ZNF704: variants seen among roughly 807,000 people sequenced by gnomAD.
ZNF704 encodes zinc finger protein 704.
In ZNF704, 10 loss-of-function variants were observed where a neutral mutation model predicts 44.7. That is an observed-to-expected ratio of 0.22 (90% CI 0.14 to 0.38). The LOEUF is 0.38. ZNF704 is among the 10% of genes least tolerant of loss of function. ZNF704 has a pLI of 1.00. For missense variants in ZNF704, 390 were observed against 545.5 expected (o/e 0.71, Z 2.84); for synonymous variants, 211 against 207.6 (o/e 1.02, Z -0.14).
chr8:80,847,247 G>C (rs146016400), intron 1 of ZNF704, among the ~76,000 whole-genome samples: 1 of 152,076 alleles, frequency 6.6e-6, no homozygotes, highest in Non-Finnish European at 1.5e-5. Flanking sequence ...AAAAAGAGAA[G>C]TATTTAGATA....
intron 1 of ZNF704, among the ~76,000 whole-genome samples, chr8:80,840,170 G>A (rs972434559): frequency 6.6e-6 from 1 of 152,240 alleles, no homozygotes; most frequent in Non-Finnish European, 1.5e-5. Flanking sequence ...TCAGGAGACA[G>A]AAGAGATTGC....
intron 1 of ZNF704, among the ~76,000 whole-genome samples, chr8:80,857,193 C>A (rs773396305): frequency 2.0e-5 from 3 of 152,004 alleles, no homozygotes; most frequent in Admixed American, 6.6e-5. Flanking sequence ...GCGATATTTT[C>A]TTTTTTCCTA....
intron 1 of ZNF704, among the ~76,000 whole-genome samples, chr8:80,839,884 C>A (rs937694703): frequency 8.5e-5 from 13 of 152,052 alleles, no homozygotes; most frequent in African/African-American, 3.1e-4. Context: ...ATACAACAGA[C>A]ACACACACAT....
chr8:80,691,797 C>G (rs1244054411), intron 3 of ZNF704, among the ~76,000 whole-genome samples: 1 of 152,164 alleles, frequency 6.6e-6, no homozygotes, highest in African/African-American at 2.4e-5. Context: ...TCTTCTTCAG[C>G]AACTTCAGCT....
At chr8:80,759,600 T>A (rs531465394) in intron 2 of ZNF704, among the ~76,000 whole-genome samples, 10 of 152,266 alleles carry the variant, frequency 6.6e-5, no homozygotes, top group African/African-American at 2.4e-4. Context: ...AACAAGAGAC[T>A]GAGGAGAGGT....
In ZNF704 at chr8:80,632,782, T is replaced by C. The variant is rs952956505; in HGVS notation, c.*8584A>G. ...TTCTTTCTTTCTTCATGGGTCTTTCTACATCCTGTTATTGTCATGGCAACG... is the reference window on the plus strand; with the variant it reads ...TTCTTTCTTTCTTCATGGGTCTTTCCACATCCTGTTATTGTCATGGCAACG... On this transcript the variant is annotated 3_prime_UTR_variant, in exon 9 of 9. Transcript: ENST00000327835. 2.0e-5 allele frequency: 3 copies of C among 152,240 alleles called. No individual in the cohort carries two copies. The highest frequency in any genetic ancestry group is 7.2e-5 in the African/African-American group (3 of 41,462). The allele number at this position is 152,240 out of a possible 1,614,324, so 9.4% of individuals were successfully genotyped here. A position where few individuals can be genotyped will look rare whatever the true frequency, so the allele number is the denominator to read the frequency against.
chr8:80,758,774 TAATC>T (rs1382928672), intron 2 of ZNF704, among the ~76,000 whole-genome samples: 3 of 152,226 alleles, frequency 2.0e-5, no homozygotes, highest in African/African-American at 7.2e-5. Context: ...GTGCATTTTA[TAATC>T]AATCAAGTTA....
At chr8:80,774,726 G>A (rs932534429) in intron 2 of ZNF704, among the ~76,000 whole-genome samples, 2 of 152,180 alleles carry the variant, frequency 1.3e-5, no homozygotes, top group Admixed American at 6.5e-5. Context: ...CATGGGTGAG[G>A]GTGGGTCCAC....
At chr8:80,837,968 C>T (rs1808609466) in intron 1 of ZNF704, among the ~76,000 whole-genome samples, 1 of 152,134 alleles carries the variant, frequency 6.6e-6, no homozygotes, top group Non-Finnish European at 1.5e-5. Context: ...TCACCTGAAC[C>T]CTACCCTAAA....
intron 2 of ZNF704, among the ~76,000 whole-genome samples, chr8:80,805,740 T>A (rs1807978607): frequency 6.6e-6 from 1 of 152,218 alleles, no homozygotes; most frequent in Non-Finnish European, 1.5e-5. Flanking sequence ...TAATTCTGAT[T>A]ATGGTAAAAG....
the ZNF704 span, among the ~76,000 whole-genome samples, chr8:80,881,784 C>T: frequency 2.0e-5 from 3 of 151,922 alleles, no homozygotes; most frequent in Non-Finnish European, 4.4e-5. Flanking sequence ...AAAAATTAGC[C>T]GGGCATGGTG....
At chr8:80,848,296 G>A (rs748020344) in intron 1 of ZNF704, among the ~76,000 whole-genome samples, 10 of 152,282 alleles carry the variant, frequency 6.6e-5, no homozygotes, top group Admixed American at 1.3e-4. Context: ...TCCATGTGGC[G>A]AAAAGTTCTG....
At chr8:80,712,059 CA>C (rs1191414856) in intron 2 of ZNF704, among the ~76,000 whole-genome samples, 1 of 152,204 alleles carries the variant, frequency 6.6e-6, no homozygotes, top group Non-Finnish European at 1.5e-5. Context: ...CCCAATGCAA[CA>C]ATGTTCGGAG....
In ZNF704 at chr8:80,723,488, C is replaced by T. The variant is rs59543359; in HGVS notation, c.222-30381G>A. Among the ~76,000 whole-genome samples the T allele has an allele frequency of 3.6e-3, 541 of 152,066 alleles. 7 individuals carry two copies. The highest frequency in any genetic ancestry group is 0.012 in the African/African-American group (481 of 41,454). ...AAATCATAAATAGGATAAAGTTCTG[C>T]GGAGAAAGTGAAATGGAAAATGAGT... On this transcript the variant is annotated intron_variant, in intron 2 of 8. Transcript: ENST00000327835.
intron 2 of ZNF704, among the ~76,000 whole-genome samples, chr8:80,696,353 T>C (rs151196469): frequency 1.2e-4 from 18 of 152,216 alleles, no homozygotes; most frequent in African/African-American, 4.8e-5. Flanking sequence ...TGGAATTATT[T>C]AAAAATACAG....
At position 80,672,719 on chromosome 8, in the gene ZNF704, A is replaced by G. The variant is rs560302848; in HGVS notation, c.559-2116T>C. Among the ~76,000 whole-genome samples the G allele has an allele frequency of 5.9e-5, 9 of 152,274 alleles. No individual in the cohort carries two copies. The South Asian group carries it at 1.9e-3, about 32-fold the overall frequency. On this transcript the variant is annotated intron_variant, in intron 4 of 8. Coordinates refer to ENST00000327835, the MANE Select transcript of ZNF704 (RefSeq NM_001033723.3). ...AGTGGGAGCTAAACGATGGGTCCACATGGACATAAAGATGGAAATAACAGA... is the reference window on the plus strand; with the variant it reads ...AGTGGGAGCTAAACGATGGGTCCACGTGGACATAAAGATGGAAATAACAGA...
At chr8:80,878,248 G>A (rs1178446508), upstream of ZNF704, among the ~76,000 whole-genome samples, 1 of 135,398 alleles carries the variant, frequency 7.4e-6, no homozygotes, top group African/African-American at 2.8e-5. Flanking sequence ...GAAAGAAAGA[G>A]AAAGAAAGGA....
chr8:80,681,192 T>A (rs548693650), intron 4 of ZNF704, among the ~76,000 whole-genome samples: 2 of 152,258 alleles, frequency 1.3e-5, no homozygotes, highest in South Asian at 4.1e-4. Flanking sequence ...GTCTGCAAGT[T>A]TTTTTGTGGA....
At chr8:80,759,219 T>C (rs188977680) in intron 2 of ZNF704, among the ~76,000 whole-genome samples, 2 of 152,150 alleles carry the variant, frequency 1.3e-5, no homozygotes, top group Non-Finnish European at 2.9e-5. Flanking sequence ...AATGTTCAGC[T>C]TTGTAGACTT....
Sources: allele counts gnomAD v4.1 joint callset (sites outside exome capture counted in the v4.1 genomes callset), GRCh38; gene constraint gnomAD v4.1.1; transcripts MANE v1.5; gene names NCBI Gene and HGNC (gene_info 2026-07-23, HGNC 2026-07-21).